The following SHISA6 variants were observed in gnomAD, a reference collection of about 807,000 sequenced individuals.
SHISA6 encodes the protein shisa family member 6, also known as protein shisa-6.
In SHISA6, 22 loss-of-function variants were observed where a neutral mutation model predicts 47.9. The ratio of observed to expected loss-of-function variants is 0.46; its 90% CI spans 0.33 to 0.66. The LOEUF is 0.66. Ranked by LOEUF, SHISA6 falls within the 30% of genes least tolerant of loss-of-function variation. SHISA6 has a pLI of 0.02. For missense variants in SHISA6, 680 were observed against 764.6 expected, an observed-to-expected ratio of 0.89 and a Z score of 1.30; for synonymous variants, 388 against 337.8, an observed-to-expected ratio of 1.15 and a Z score of -1.63.
intron 3 of SHISA6, among the ~76,000 whole-genome samples, chr17:11,429,768 G>C (rs1397275040): frequency 6.6e-6 from 1 of 151,718 alleles, no homozygotes; most frequent in African/African-American, 2.4e-5. Context: ...TCCAGCCTGG[G>C]TGACAAGAGT....
chr17:11,482,261 G>C (rs1916240255), intron 3 of SHISA6, among the ~76,000 whole-genome samples: 6 of 152,128 alleles, frequency 3.9e-5, no homozygotes. Flanking sequence ...AATAAATCAA[G>C]AATTTGACAA....
At chr17:11,544,277 A>G (rs1567635082) in intron 3 of SHISA6, among the ~76,000 whole-genome samples, 1 of 152,236 alleles carries the variant, frequency 6.6e-6, no homozygotes, top group Non-Finnish European at 1.5e-5. Context: ...ATGACAAGAC[A>G]GGGTATGCAC....
intron 3 of SHISA6, among the ~76,000 whole-genome samples, chr17:11,518,240 A>G (rs555158467): frequency 2.0e-5 from 3 of 152,126 alleles, no homozygotes; most frequent in Non-Finnish European, 2.9e-5. Context: ...TAAAATTAAC[A>G]TGTTGACTAT....
intron 3 of SHISA6, among the ~76,000 whole-genome samples, chr17:11,496,466 A>G (rs1175723830): frequency 6.6e-6 from 1 of 152,190 alleles, no homozygotes. Context: ...GGGGCCGGGT[A>G]CGGTGGCTCA....
intron 3 of SHISA6, among the ~76,000 whole-genome samples, chr17:11,535,023 G>A (rs1481485335): frequency 2.0e-5 from 3 of 152,270 alleles, no homozygotes; most frequent in Non-Finnish European, 2.9e-5. Context: ...AGCTACTCGG[G>A]AGGCTGAAGC....
intron 3 of SHISA6, among the ~76,000 whole-genome samples, chr17:11,482,292 A>G (rs1369654609): frequency 6.6e-6 from 1 of 152,254 alleles, no homozygotes; most frequent in Non-Finnish European, 1.5e-5. Context: ...AGAAATTTAA[A>G]AAGAAAATAA....
At chr17:11,511,449 A>C (rs2071540859) in intron 3 of SHISA6, among the ~76,000 whole-genome samples, 1 of 152,072 alleles carries the variant, frequency 6.6e-6, no homozygotes, top group African/African-American at 2.4e-5. Flanking sequence ...ACTTAAAGTA[A>C]ATTTTTAAAA....
chr17:11,268,687 C>G (rs1483266261), intron 2 of SHISA6, among the ~76,000 whole-genome samples: 2 of 152,194 alleles, frequency 1.3e-5, no homozygotes, highest in African/African-American at 4.8e-5. Context: ...TGTTTATTAT[C>G]TGTCACCATC....
intron 1 of SHISA6, among the ~76,000 whole-genome samples, chr17:11,263,049 A>ATT (rs1908292352): frequency 6.6e-6 from 1 of 152,196 alleles, no homozygotes; most frequent in Admixed American, 6.5e-5. Flanking sequence ...GCCAGCTGCT[A>ATT]TAGATACCTG....
chr17:11,356,895 C>T (rs181141172), intron 2 of SHISA6, among the ~76,000 whole-genome samples: 5 of 152,240 alleles, frequency 3.3e-5, no homozygotes, highest in East Asian at 1.9e-4. Flanking sequence ...TTTGCTGTTG[C>T]TCTGCTGTCC....
intron 3 of SHISA6, among the ~76,000 whole-genome samples, chr17:11,389,544 G>A (rs1485837978): frequency 6.6e-6 from 1 of 152,192 alleles, no homozygotes; most frequent in Admixed American, 6.5e-5. Flanking sequence ...GAGGCTCACG[G>A]GAAGTCTGTT....
At chr17:11,279,814 AGAGG>A (rs1479648306) in intron 2 of SHISA6, among the ~76,000 whole-genome samples, 1 of 45,096 alleles carries the variant, frequency 2.2e-5, no homozygotes, top group African/African-American at 6.3e-5. Context: ...AGAGAGAGAA[AGAGG>A]GAGAGAGAGA....
chr17:11,272,594 T>C (rs1287247242), intron 2 of SHISA6, among the ~76,000 whole-genome samples: 1 of 152,204 alleles, frequency 6.6e-6, no homozygotes, highest in Non-Finnish European at 1.5e-5. Flanking sequence ...TTGTGAAGAT[T>C]GACTTAACCA....
intron 3 of SHISA6, among the ~76,000 whole-genome samples, chr17:11,491,386 C>T (rs1916473002): frequency 6.6e-6 from 1 of 152,180 alleles, no homozygotes; most frequent in East Asian, 1.9e-4. Flanking sequence ...CTGCAGCCTT[C>T]AACTCACAGG....
chr17:11,346,543 A>C (rs1911705265), intron 2 of SHISA6, among the ~76,000 whole-genome samples: 1 of 152,212 alleles, frequency 6.6e-6, no homozygotes, highest in Admixed American at 6.5e-5. Flanking sequence ...GAAAATTATA[A>C]ATTCTAAATA....
chr17:11,524,504 T>A (rs982209707), intron 3 of SHISA6, among the ~76,000 whole-genome samples: 38 of 120,134 alleles, frequency 3.2e-4, no homozygotes, highest in African/African-American at 1.2e-3. Flanking sequence ...TTCTTTTTTC[T>A]TTTTTTTTTT....
At chr17:11,358,141 T>C (rs1414965331) in intron 2 of SHISA6, among the ~76,000 whole-genome samples, 3 of 152,156 alleles carry the variant, frequency 2.0e-5, no homozygotes, top group Non-Finnish European at 2.9e-5. Context: ...CCAGAACTTA[T>C]TTATCTTTTA....
chr17:11,496,576 A>T (rs2071410693), intron 3 of SHISA6, among the ~76,000 whole-genome samples: 1 of 152,024 alleles, frequency 6.6e-6, no homozygotes, highest in Non-Finnish European at 1.5e-5. Flanking sequence ...CATCTCTACT[A>T]AAAATACAAA....
rs573913709 is a variant in SHISA6 at position 11,332,237 on chromosome 17, G to A, written c.800-47177G>A. 5.2e-3 allele frequency among the ~76,000 whole-genome samples: 105 copies of A among 20,214 alleles called. No individual in the cohort carries two copies. In the South Asian group the frequency reaches 0.082, roughly 16 times the overall value. 13.3% of individuals were successfully genotyped at this position (20,214 alleles called of 152,430 possible). A position where few individuals can be genotyped will look rare whatever the true frequency, so the allele number is the denominator to read the frequency against. On this transcript the variant is annotated intron_variant, in intron 2 of 5. Transcript: ENST00000441885. ...GGCGCAAAGAGACAGAAGCGCCAGC[G>A]TTGGGGAAAAAAAAAAAATGGAAAG... is the stretch of plus-strand genomic sequence containing the variant.
Sources: gnomAD v4.1 joint callset for allele counts (sites outside exome capture counted in the v4.1 genomes callset) on GRCh38, gnomAD v4.1.1 for gene constraint, MANE v1.5 for transcripts, NCBI Gene and HGNC (gene_info 2026-07-23, HGNC 2026-07-21) for gene names.